PLEKHA1: variants seen among roughly 807,000 people sequenced by gnomAD.
PLEKHA1 encodes the protein pleckstrin homology domain containing A1.
In PLEKHA1, 34 loss-of-function variants were observed where a neutral mutation model predicts 52.0. The observed-to-expected ratio is 0.65, with a 90% confidence interval of 0.50 to 0.87. The LOEUF (loss-of-function observed/expected upper bound fraction) is 0.87, where lower values mean the gene tolerates loss of function less well. Ranked by LOEUF, PLEKHA1 falls within the 40% of genes least tolerant of loss-of-function variation. The probability of loss-of-function intolerance (pLI) is 0.00; values close to 1 mark genes in which losing one functional copy is unlikely to be tolerated. For synonymous variants in PLEKHA1, 163 were observed against 170.7 expected, an observed-to-expected ratio of 0.95 and a Z score of 0.35; for missense variants, 497 against 504.2, an observed-to-expected ratio of 0.99 and a Z score of 0.14.
At chr10:122,390,067 A>G (rs144795187) in intron 1 of PLEKHA1, among the ~76,000 whole-genome samples, 2 of 152,348 alleles carry the variant, frequency 1.3e-5, no homozygotes, top group East Asian at 1.9e-4. Flanking sequence ...GGAAGCTTCT[A>G]TATCAGCACT....
intron 2 of PLEKHA1, among the ~76,000 whole-genome samples, chr10:122,396,762 T>A (rs1565181592): frequency 6.6e-6 from 1 of 152,102 alleles, no homozygotes; most frequent in East Asian, 1.9e-4. Flanking sequence ...ATGTTTTCAT[T>A]TTTACTTCTG....
chr10:122,392,029 T>C (rs1256704856), intron 1 of PLEKHA1, among the ~76,000 whole-genome samples: 1 of 152,158 alleles, frequency 6.6e-6, no homozygotes, highest in African/African-American at 2.4e-5. Context: ...GTGCCAGCTA[T>C]AGAAGTACCA....
At chr10:122,425,926 A>G (rs982699573) in intron 10 of PLEKHA1, among the ~76,000 whole-genome samples, 2 of 152,174 alleles carry the variant, frequency 1.3e-5, no homozygotes, top group African/African-American at 4.8e-5. Flanking sequence ...GTCATACTAA[A>G]TATAGTGTTA....
At chr10:122,398,063 C>A in intron 3 of PLEKHA1, 89 bp downstream of exon 3, 1 of 1,031,614 alleles carries the variant, frequency 9.7e-7, no homozygotes, top group Non-Finnish European at 1.5e-6. Context: ...CTTTCCATGT[C>A]CTTTAACAGT....
At chr10:122,434,219 A>G (rs902143824), downstream of PLEKHA1, 4 of 152,208 alleles carry the variant, frequency 2.6e-5, no homozygotes, top group Non-Finnish European at 4.4e-5. Flanking sequence ...TTTTCTGGAT[A>G]CATAATTTTT....
At chr10:122,424,813 G>T in intron 9 of PLEKHA1, 83 bp from the exon 10 acceptor site, 1 of 1,007,168 alleles carries the variant, frequency 9.9e-7, no homozygotes. Flanking sequence ...ATTTATTGAC[G>T]CATACTGGGT....
At chr10:122,435,952 C>T (rs772374115), downstream of PLEKHA1, 1 of 151,816 alleles carries the variant, frequency 6.6e-6, no homozygotes, top group South Asian at 2.1e-4. Context: ...CCAACAGCAT[C>T]TTGAAAAACT....
intron 4 of PLEKHA1, among the ~76,000 whole-genome samples, chr10:122,403,774 C>A (rs1192390851): frequency 6.6e-6 from 1 of 152,132 alleles, no homozygotes; most frequent in Non-Finnish European, 1.5e-5. Context: ...TCACTGCAAC[C>A]TCCACCTCCT....
At chr10:122,416,188 G>C (rs2097171980) in intron 7 of PLEKHA1, among the ~76,000 whole-genome samples, 186 bp downstream of exon 7, 1 of 152,178 alleles carries the variant, frequency 6.6e-6, no homozygotes, top group Non-Finnish European at 1.5e-5. Flanking sequence ...TTATTTGCTT[G>C]GTTTGCAGGG....
intron 1 of PLEKHA1, among the ~76,000 whole-genome samples, chr10:122,375,151 C>A (rs1313098941): frequency 6.6e-6 from 1 of 151,776 alleles, no homozygotes; most frequent in South Asian, 2.1e-4. Context: ...GCGGGAGGCC[C>A]GCGGCGGTCG....
At chr10:122,410,503 A>C (rs2097092957) in intron 5 of PLEKHA1, among the ~76,000 whole-genome samples, 1 of 152,200 alleles carries the variant, frequency 6.6e-6, no homozygotes, top group Admixed American at 6.5e-5. Context: ...AATTTAGACC[A>C]AGTTTTACAG....
chr10:122,408,339 A>G (rs544517272), intron 5 of PLEKHA1, among the ~76,000 whole-genome samples: 22 of 152,312 alleles, frequency 1.4e-4, no homozygotes, highest in African/African-American at 5.1e-4. Flanking sequence ...ACAGTCTTAT[A>G]CAAATGACAC....
chr10:122,408,562 A>G (rs1842144297), intron 5 of PLEKHA1, among the ~76,000 whole-genome samples: 3 of 152,182 alleles, frequency 2.0e-5, no homozygotes, highest in Non-Finnish European at 4.4e-5. Context: ...AATCCTTATT[A>G]CTTAATAAAG....
intron 1 of PLEKHA1, among the ~76,000 whole-genome samples, chr10:122,385,008 T>C (rs989330654): frequency 1.3e-5 from 2 of 152,172 alleles, no homozygotes; most frequent in African/African-American, 4.8e-5. Flanking sequence ...CTTTTGAAGT[T>C]ACATTCAATA....
chr10:122,419,542 A>G (rs1315689890), intron 8 of PLEKHA1: 1 of 152,150 alleles, frequency 6.6e-6, no homozygotes, highest in African/African-American at 2.4e-5. Flanking sequence ...CATGCAGCAG[A>G]CATTCATTGA....
intron 2 of PLEKHA1, among the ~76,000 whole-genome samples, chr10:122,394,902 C>T (rs957217600): frequency 1.3e-5 from 2 of 152,170 alleles, no homozygotes; most frequent in Non-Finnish European, 2.9e-5. Context: ...TTTATCAGTA[C>T]TACCCATTTA....
chr10:122,439,928 A>G, the PLEKHA1 span: 1 of 152,340 alleles, frequency 6.6e-6, no homozygotes, highest in Admixed American at 6.5e-5. Flanking sequence ...TCCATAGAAA[A>G]TTATACATTT....
chr10:122,405,427 C>T (rs1479940807), intron 4 of PLEKHA1, among the ~76,000 whole-genome samples: 3 of 151,496 alleles, frequency 2.0e-5, no homozygotes, highest in South Asian at 2.1e-4. Context: ...TCAGGAGAAA[C>T]GTGGGTAAAG....
chr10:122,436,697 CTGAGA>C (rs1256741493), downstream of PLEKHA1: 11 of 151,294 alleles, frequency 7.3e-5, no homozygotes, highest in Non-Finnish European at 1.2e-4. Context: ...GCATCAGAGA[CTGAGA>C]TGGCCCATGG....
Sources: gnomAD v4.1 joint callset for allele counts (sites outside exome capture counted in the v4.1 genomes callset) on GRCh38, gnomAD v4.1.1 for gene constraint, MANE v1.5 for transcripts, NCBI Gene and HGNC (gene_info 2026-07-23, HGNC 2026-07-21) for gene names.